DCBLD1: variants seen among roughly 807,000 people sequenced by gnomAD.
DCBLD1 encodes the protein discoidin, CUB and LCCL domain-containing protein 1.
In DCBLD1, 57 loss-of-function variants were observed where a neutral mutation model predicts 71.5. The ratio of observed to expected loss-of-function variants is 0.80; its 90% CI spans 0.64 to 0.99. The LOEUF is 0.99. Among genes scored for constraint, DCBLD1 ranks in the 50% least tolerant of loss-of-function variants. DCBLD1 has a pLI of 0.00. For missense variants in DCBLD1, 891 were observed against 923.5 expected, an observed-to-expected ratio of 0.96 and a Z score of 0.46; for synonymous variants, 380 against 363.8, an observed-to-expected ratio of 1.04 and a Z score of -0.51.
At position 117,525,382 on chromosome 6, in the gene DCBLD1, G is replaced by A; in HGVS notation, c.533G>A (p.Cys178Tyr). ...TEYSKFCPAG[C>Y]RDVAGDISGN... The stretch of plus-strand genomic sequence containing the variant: ...TCCAGCAAATTCTGCCCAGCTGGTT[G>A]TAGAGACGTAGCAGGAGACATTTCT... Residue 178 changes from cysteine (C) to tyrosine (Y), a missense_variant, in exon 5 of 15, where the codon TGT becomes TAT. Cys to Tyr is a radical substitution (Grantham distance 194, BLOSUM62 -2). Transcript: ENST00000338728. 1 of 1,495,720 alleles carries A rather than the reference G, an allele frequency of 6.7e-7. No individual in the cohort carries two copies. The highest frequency in any genetic ancestry group is 1.4e-5 in the African/African-American group (1 of 70,474). 92.7% of individuals were successfully genotyped at this position (1,495,720 alleles called of 1,614,324 possible). A position where few individuals can be genotyped will look rare whatever the true frequency, so the allele number is the denominator to read the frequency against.
intron 2 of DCBLD1, among the ~76,000 whole-genome samples, chr6:117,518,511 A>C (rs903290948): frequency 4.3e-4 from 66 of 152,160 alleles, no homozygotes; most frequent in African/African-American, 1.6e-3. Flanking sequence ...GCACCAACTT[A>C]ACTGTATTAG....
chr6:117,482,831 G>A lies in DCBLD1; in HGVS notation c.50G>A (p.Arg17Gln). 1 of 1,169,976 alleles carries A rather than the reference G, an allele frequency of 8.5e-7. No homozygotes were observed. The highest frequency in any genetic ancestry group is 1.1e-6 in the Non-Finnish European group (1 of 949,250). The allele number at this position is 1,169,976 out of a possible 1,614,324, so 72.5% of individuals were successfully genotyped here. The change falls in exon 1 of 15, where the codon CGG (arginine) becomes CAG (glutamine). Residue 17 changes from arginine (R) to glutamine (Q), a missense_variant. By Grantham distance (43) the Arg-to-Gln change is conservative. Transcript: ENST00000338728. ...GGCGCACTGGCGCGGGCTGCCGGGC[G>A]GGGCCTCCTGGCTTTGCTGCTCGCG... ...GGGALARAAGRGLLALLLAVS... is the reference protein window; with the variant it reads ...GGGALARAAGQGLLALLLAVS...
chr6:117,494,024 C>G (rs1292815582), intron 1 of DCBLD1, among the ~76,000 whole-genome samples: 1 of 152,118 alleles, frequency 6.6e-6, no homozygotes, highest in Non-Finnish European at 1.5e-5. Flanking sequence ...CTATCATTAT[C>G]AGATATGGTT....
chr6:117,532,999 G>A (rs891132202), intron 6 of DCBLD1, among the ~76,000 whole-genome samples: 22 of 152,314 alleles, frequency 1.4e-4, no homozygotes, highest in African/African-American at 5.1e-4. Flanking sequence ...CCATTAGAAG[G>A]TGTAAAACTA....
At chr6:117,497,657 T>C (rs1453248473) in intron 1 of DCBLD1, among the ~76,000 whole-genome samples, 1 of 152,138 alleles carries the variant, frequency 6.6e-6, no homozygotes, top group Non-Finnish European at 1.5e-5. Flanking sequence ...TGTTAATATA[T>C]CTTTCTTCTC....
At chr6:117,499,076 C>CT (rs35985207) in intron 1 of DCBLD1, among the ~76,000 whole-genome samples, 55,299 of 150,900 alleles carry the variant, frequency 0.37, 10,865 homozygotes, top group African/African-American at 0.52. Flanking sequence ...TCATAGAGAG[C>CT]TTTTTTTTGC....
rs969252521 is a variant in DCBLD1, at chr6:117,482,711, G to A, written c.-71G>A. On this transcript the variant is annotated 5_prime_UTR_variant, in exon 1 of 15. Coordinates refer to ENST00000338728, the MANE Select transcript of DCBLD1 (RefSeq NM_001366458.2). ...CGCTCGTCCGCAGAGGAGGCGGCCC[G>A]GCCCGGGCAGCTGCGGCTCGGGATC... 110 of 1,101,082 alleles carry A rather than the reference G, an allele frequency of 1.0e-4. No homozygotes were observed. In the Admixed American group the frequency reaches 1.2e-3, roughly 12 times the overall value. 68.2% of individuals were successfully genotyped at this position (1,101,082 alleles called of 1,614,324 possible). A position where few individuals can be genotyped will look rare whatever the true frequency, so the allele number is the denominator to read the frequency against.
At chr6:117,525,067 G>C (rs1054674954) in intron 4 of DCBLD1, among the ~76,000 whole-genome samples, 3 of 152,156 alleles carry the variant, frequency 2.0e-5, no homozygotes, top group African/African-American at 7.2e-5. Flanking sequence ...AAATGTTCCT[G>C]TTTCTGAAAA....
chr6:117,501,782 T>C (rs1172782646), intron 1 of DCBLD1, among the ~76,000 whole-genome samples: 1 of 152,240 alleles, frequency 6.6e-6, no homozygotes, highest in Admixed American at 6.5e-5. Context: ...CATTTAATTC[T>C]TGGCAATTTT....
At chr6:117,494,643 A>G (rs969540863) in intron 1 of DCBLD1, 4 of 152,136 alleles carry the variant, frequency 2.6e-5, no homozygotes, top group African/African-American at 2.4e-5. Flanking sequence ...CTCTTAACCA[A>G]TGTGTCCAGT....
At chr6:117,494,609 G>A (rs1288593586) in intron 1 of DCBLD1, 3 of 151,154 alleles carry the variant, frequency 2.0e-5, no homozygotes, top group Non-Finnish European at 4.4e-5. Context: ...TTTCTTAAAA[G>A]TCTTCTTTGA....
At chr6:117,540,438 C>G (rs1054767836) in intron 9 of DCBLD1, 3 of 490,842 alleles carry the variant, frequency 6.1e-6, no homozygotes, top group Non-Finnish European at 1.1e-5. Flanking sequence ...ATTTTAGCTT[C>G]TTTATCCAAA....
intron 6 of DCBLD1, among the ~76,000 whole-genome samples, chr6:117,534,335 A>G (rs542975915): frequency 6.6e-6 from 1 of 152,370 alleles, no homozygotes; most frequent in East Asian, 1.9e-4. Flanking sequence ...TAAAGTTTAC[A>G]TCCTGATTTA....
intron 1 of DCBLD1, among the ~76,000 whole-genome samples, chr6:117,483,758 C>T (rs1224170578): frequency 1.3e-5 from 2 of 151,302 alleles, no homozygotes; most frequent in East Asian, 3.9e-4. Flanking sequence ...AGTGTTTCCT[C>T]TCCTCCCTTG....
In DCBLD1 at chr6:117,540,773, A is replaced by G; in HGVS notation, c.1207A>G (p.Ile403Val). The change falls in exon 10 of 15, where the codon ATA (isoleucine) becomes GTA (valine). Residue 403 changes from isoleucine (I) to valine (V), a missense_variant. Physicochemically the swap from Ile to Val is conservative, Grantham distance 29. Transcript: ENST00000338728. The part of the protein sequence containing the change: ...RVVPQTWHQR[I>V]ALKVELIGCQ... ...TGTCCCCCAGACATGGCACCAGAGG[A>G]TAGCCTTGAAGGTGGAGCTCATTGG... 2 of 1,614,212 alleles carry G rather than the reference A, an allele frequency of 1.2e-6. No homozygotes were observed. The highest frequency in any genetic ancestry group is 1.7e-6 in the Non-Finnish European group (2 of 1,180,030).
At chr6:117,503,065 A>G (rs1363790894) in intron 1 of DCBLD1, among the ~76,000 whole-genome samples, 8 of 152,124 alleles carry the variant, frequency 5.3e-5, no homozygotes, top group African/African-American at 1.4e-4. Flanking sequence ...ATGTGTGACT[A>G]TTTGCCATTT....
intron 4 of DCBLD1, among the ~76,000 whole-genome samples, chr6:117,524,904 GTA>G (rs1433002328): frequency 6.6e-6 from 1 of 152,138 alleles, no homozygotes; most frequent in Non-Finnish European, 1.5e-5. Flanking sequence ...ATTACAGTAT[GTA>G]TAACACGGAA....
chr6:117,539,100 C>T, intron 8 of DCBLD1, 155 bp from the exon 9 acceptor site: 1 of 743,522 alleles, frequency 1.3e-6, no homozygotes, highest in Non-Finnish European at 2.1e-6. Context: ...AAACATTAAT[C>T]TGTGAAGAGA....
chr6:117,535,302 T>C (rs1471784891), intron 6 of DCBLD1, among the ~76,000 whole-genome samples: 1 of 152,188 alleles, frequency 6.6e-6, no homozygotes, highest in Non-Finnish European at 1.5e-5. Context: ...AGGACGATGG[T>C]GCTAACCATC....
Sources: gnomAD v4.1 joint callset for allele counts (sites outside exome capture counted in the v4.1 genomes callset) on GRCh38, gnomAD v4.1.1 for gene constraint, MANE v1.5 for transcripts, NCBI Gene and HGNC (gene_info 2026-07-23, HGNC 2026-07-21) for gene names.